USH2A: variants seen among roughly 807,000 people sequenced by gnomAD.
USH2A encodes the protein usherin.
In USH2A, 443 loss-of-function variants were observed where a neutral mutation model predicts 538.9. The observed-to-expected ratio is 0.82, with a 90% CI of 0.76 to 0.89. The LOEUF (loss-of-function observed/expected upper bound fraction) is 0.89, where lower values mean the gene tolerates loss of function less well. Among genes scored for constraint, USH2A ranks in the 40% least tolerant of loss-of-function variants. The pLI is 0.00. For synonymous variants in USH2A, 2,413 were observed against 2,273.5 expected (o/e 1.06, Z -1.75); for missense variants, 6,633 against 6,324.8 (o/e 1.05, Z -1.65).
chr1:216,353,813 C>G (rs981140735), intron 4 of USH2A, among the ~76,000 whole-genome samples: 9 of 151,900 alleles, frequency 5.9e-5, no homozygotes, highest in African/African-American at 2.2e-4. Context: ...CCAGATAAGC[C>G]CTAAAGTCAT....
rs753505333 is a variant in USH2A at position 215,728,386 on chromosome 1, T to C, written c.11712-2A>G. On this transcript the variant is annotated splice_acceptor_variant, in intron 60 of 71. Transcript: ENST00000307340. LOFTEE classifies it high-confidence loss of function. ...TCCTCTTCAATGCCAGCAGGGCGTC[T>C]GAAAGGAAACCAAGCAGGCAACCAG... 3 of 1,613,888 alleles carry C rather than the reference T, an allele frequency of 1.9e-6. No individual in the cohort carries two copies. The highest frequency in any genetic ancestry group is 2.2e-5 in the East Asian group (1 of 44,878).
chr1:216,225,198 T>C (rs1183442799), intron 14 of USH2A, among the ~76,000 whole-genome samples: 1 of 152,186 alleles, frequency 6.6e-6, no homozygotes, highest in Non-Finnish European at 1.5e-5. Flanking sequence ...ATAGCCAATG[T>C]TGGTGTATAT....
chr1:215,770,074 T>C (rs1478985229), intron 55 of USH2A, among the ~76,000 whole-genome samples: 1 of 152,228 alleles, frequency 6.6e-6, no homozygotes, highest in Admixed American at 6.5e-5. Context: ...CATATTTACC[T>C]TCCAGGGTCT....
chr1:216,172,546 T>TA (rs1289340117), intron 21 of USH2A, among the ~76,000 whole-genome samples: 1 of 152,112 alleles, frequency 6.6e-6, no homozygotes, highest in African/African-American at 2.4e-5. Context: ...CCTCAGAATA[T>TA]AAAAACTGAA....
intron 21 of USH2A, among the ~76,000 whole-genome samples, chr1:216,162,801 A>G (rs1006439647): frequency 2.0e-5 from 3 of 152,006 alleles, no homozygotes; most frequent in African/African-American, 7.2e-5. Flanking sequence ...CCTTAGCTCT[A>G]TGTTGCCTGT....
rs116513968 is a variant in USH2A at position 216,396,395 on chromosome 1, G to A, written c.651+22119C>T. ...TTCCATGGGCGCTTCCACTGTAGCC[G>A]TGAGTCACCTAGAGTTTATGCTCAG... On this transcript the variant is annotated intron_variant, in intron 3 of 71. Coordinates refer to ENST00000307340, the MANE Select transcript of USH2A (RefSeq NM_206933.4). 6.6e-3 allele frequency among the ~76,000 whole-genome samples: 999 copies of A among 152,178 alleles called. 4 individuals carry two copies. Among genetic ancestry groups the A allele is most frequent in the Admixed American group, 0.011 (164 of 15,284 alleles).
At chr1:215,965,265 A>G (rs1449229530) in intron 37 of USH2A, 52 bp downstream of exon 37, 2 of 1,554,742 alleles carry the variant, frequency 1.3e-6, no homozygotes, top group East Asian at 4.5e-5. Flanking sequence ...TTTAAATAAA[A>G]ATGAGTTGTT....
chr1:215,932,304 G>C (rs1224010905), intron 38 of USH2A, among the ~76,000 whole-genome samples: 1 of 151,912 alleles, frequency 6.6e-6, no homozygotes, highest in Non-Finnish European at 1.5e-5. Flanking sequence ...ATTCATTTCA[G>C]AATGAAACAC....
chr1:216,075,082 AAG>A (rs2031702761), intron 27 of USH2A, among the ~76,000 whole-genome samples: 1 of 152,202 alleles, frequency 6.6e-6, no homozygotes, highest in African/African-American at 2.4e-5. Flanking sequence ...ATTAATTCAC[AAG>A]ATGAAATTTT....
Position 216,072,923 on chromosome 1 carries a change from A to G in USH2A, c.5823T>C (p.Tyr1941=), listed in dbSNP as rs1419611453. The G allele has an allele frequency of 6.2e-7, 1 of 1,613,976 alleles. No individual in the cohort carries two copies. Among genetic ancestry groups the G allele is most frequent in the Non-Finnish European group, 8.5e-7 (1 of 1,179,894 alleles). Residue 1941 remains tyrosine, a synonymous_variant, in exon 29 of 72, where the codon TAT becomes TAC. Coordinates refer to ENST00000307340, the MANE Select transcript of USH2A (RefSeq NM_206933.4). ...TTGTACGTCCTCGACTCCAATCACT[A>G]TATACTGAACCTCCTTCATGCGAGG... ...VIASHEGGSV[Y]SDWSRGRTTG...
At chr1:216,304,419 T>C (rs1419587679) in intron 9 of USH2A, among the ~76,000 whole-genome samples, 1 of 152,054 alleles carries the variant, frequency 6.6e-6, no homozygotes, top group Non-Finnish European at 1.5e-5. Context: ...CGGCCGTAAC[T>C]TTTGCACTTT....
At chr1:216,029,967 G>T (rs79341893) in intron 32 of USH2A, among the ~76,000 whole-genome samples, 1 of 124,458 alleles carries the variant, frequency 8.0e-6, no homozygotes, top group East Asian at 2.7e-4. Flanking sequence ...GTGATAGATA[G>T]ATAGAGAGAG....
chr1:215,993,088 G>T lies in USH2A; in HGVS notation c.6737C>A (p.Ala2246Asp), dbSNP rs1457005908. The part of the protein sequence containing the change: ...TDEDIPEGVP[A>D]PKAHSYSPDS... ...AGGTGAATATGAGTGGGCTTTGGGG[G>T]CTGGCACGCCTTCGGGTATGTCCTC... Residue 2246 changes from alanine (A) to aspartate (D), a missense_variant, in exon 35 of 72, where the codon GCC (alanine) becomes GAC (aspartate). Coordinates refer to ENST00000307340, the MANE Select transcript of USH2A (RefSeq NM_206933.4). The T allele has an allele frequency of 1.2e-5, 20 of 1,614,088 alleles. No homozygotes were observed. The highest frequency in any genetic ancestry group is 1.7e-5 in the Admixed American group (1 of 60,014).
intron 52 of USH2A, 96 bp from the exon 53 acceptor site, chr1:215,783,031 A>G: frequency 2.6e-6 from 3 of 1,161,868 alleles, no homozygotes; most frequent in Non-Finnish European, 3.6e-6. Flanking sequence ...ACATTTAAAA[A>G]TAAATGTTTA....
At chr1:216,234,606 G>T (rs1277268490) in intron 13 of USH2A, among the ~76,000 whole-genome samples, 1 of 151,992 alleles carries the variant, frequency 6.6e-6, no homozygotes, top group Non-Finnish European at 1.5e-5. Context: ...TTAAATCCAT[G>T]ATGATGGCAT....
intron 30 of USH2A, among the ~76,000 whole-genome samples, chr1:216,063,308 T>A (rs1425341419): frequency 6.6e-6 from 1 of 152,206 alleles, no homozygotes; most frequent in Non-Finnish European, 1.5e-5. Flanking sequence ...CTTCCTAGTA[T>A]TCCTTTTGTT....
At chr1:216,065,687 A>G (rs1340924397) in intron 30 of USH2A, among the ~76,000 whole-genome samples, 2 of 152,086 alleles carry the variant, frequency 1.3e-5, no homozygotes, top group African/African-American at 4.8e-5. Context: ...ACCTGAGGTC[A>G]GGAGTTCGAG....
chr1:215,662,760 G>A (rs1657482883), intron 64 of USH2A, among the ~76,000 whole-genome samples: 1 of 152,168 alleles, frequency 6.6e-6, no homozygotes, highest in African/African-American at 2.4e-5. Context: ...TGGGAGTTGG[G>A]GTGGGTGTGG....
At chr1:216,242,958 G>C (rs700019) in intron 13 of USH2A, among the ~76,000 whole-genome samples, 8,718 of 152,188 alleles carry the variant, frequency 0.057, 643 homozygotes, top group African/African-American at 0.17. Context: ...ATTAAATTAA[G>C]AACTCAACAG....
Sources: allele counts gnomAD v4.1 joint callset (sites outside exome capture counted in the v4.1 genomes callset), GRCh38; gene constraint gnomAD v4.1.1; transcripts MANE v1.5; gene names NCBI Gene and HGNC (gene_info 2026-07-23, HGNC 2026-07-21).